Variants in SCN2A observed in about 807,000 individuals in gnomAD.
SCN2A encodes sodium voltage-gated channel alpha subunit 2.
Under a neutral mutation model 188.7 loss-of-function variants are expected in SCN2A, and 20 were observed. That is an observed-to-expected ratio of 0.11 (90% CI 0.07 to 0.15). The LOEUF (loss-of-function observed/expected upper bound fraction) is 0.15. SCN2A is among the 10% of genes least tolerant of loss of function. SCN2A has a pLI of 1.00. For missense variants in SCN2A, 1,278 were observed against 2,445.0 expected (o/e 0.52, Z 10.07); for synonymous variants, 804 against 833.1 (o/e 0.97, Z 0.60).
At chr2:165,368,687 A>G (rs1700860441) in intron 19 of SCN2A, among the ~76,000 whole-genome samples, 1 of 152,230 alleles carries the variant, frequency 6.6e-6, no homozygotes. Flanking sequence ...GGATCAAAAT[A>G]TTAATATAAT....
In SCN2A at chr2:165,389,575, A is replaced by G. The variant is rs761883394; in HGVS notation, c.5769A>G (p.Gln1923=). The part of the protein sequence containing the change: ...QRAYRRYLLK[Q]KVKKVSSIYK... ...CTTACAGACGCTACCTCTTGAAGCA[A>G]AAAGTTAAAAAGGTATCAAGTATAT... is the stretch of plus-strand genomic sequence containing the variant. The change falls in exon 27 of 27, where the codon CAA becomes CAG. Residue 1923 remains glutamine, a synonymous_variant. Transcript: ENST00000375437. This position sits in a 1 kb window ranked among gnomAD's most constrained non-coding sequence, Gnocchi z 4.2. 6.2e-7 allele frequency: 1 copy of G among 1,613,838 alleles called. No individual in the cohort carries two copies. The highest frequency in any genetic ancestry group is 1.3e-5 in the African/African-American group (1 of 74,896).
At chr2:165,243,427 AC>A (rs1693706361) in intron 1 of SCN2A, among the ~76,000 whole-genome samples, 1 of 151,694 alleles carries the variant, frequency 6.6e-6, no homozygotes, top group African/African-American at 2.4e-5. Context: ...ACATGCTGAA[AC>A]CCTGTCTCTA....
At chr2:165,261,292 T>C (rs1486248946) in intron 1 of SCN2A, among the ~76,000 whole-genome samples, 1 of 152,244 alleles carries the variant, frequency 6.6e-6, no homozygotes, top group African/African-American at 2.4e-5. Context: ...AGAACTGGAC[T>C]AGATTATCTC....
intron 1 of SCN2A, among the ~76,000 whole-genome samples, chr2:165,279,796 T>A (rs1488187847): frequency 6.6e-6 from 1 of 152,150 alleles, no homozygotes; most frequent in Non-Finnish European, 1.5e-5. Context: ...TTTGCCTGTG[T>A]CCCACCCAAA....
At position 165,296,867 on chromosome 2, in the gene SCN2A, A is replaced by G. The variant is rs35282810; in HGVS notation, c.268-150A>G. The G allele has an allele frequency of 3.9e-4, 194 of 495,218 alleles. 1 individual carries two copies. Among genetic ancestry groups the G allele is most frequent in the African/African-American group, 3.4e-3 (174 of 51,252 alleles). 30.7% of individuals were successfully genotyped at this position (495,218 alleles called of 1,614,324 possible). A position where few individuals can be genotyped will look rare whatever the true frequency, so the allele number is the denominator to read the frequency against. On this transcript the variant is annotated intron_variant, in intron 2 of 26. Coordinates refer to ENST00000375437, the MANE Select transcript of SCN2A (RefSeq NM_001040142.2). ...AAGTTTATAGTGCTCAGAAAAAAAAAGCATCTATCTTCATGTCATATGATG... is the reference window on the plus strand; with the variant it reads ...AAGTTTATAGTGCTCAGAAAAAAAAGGCATCTATCTTCATGTCATATGATG...
chr2:165,254,722 AG>A (rs771295032), intron 1 of SCN2A, among the ~76,000 whole-genome samples: 6 of 151,842 alleles, frequency 4.0e-5, no homozygotes, highest in Non-Finnish European at 8.8e-5. Context: ...ATTTTAACAT[AG>A]TTAATAATTT....
At chr2:165,386,480 TAA>T (rs753346065) in intron 25 of SCN2A, among the ~76,000 whole-genome samples, 11 of 151,168 alleles carry the variant, frequency 7.3e-5, no homozygotes, top group African/African-American at 1.2e-4. Flanking sequence ...TAAAAAAAAT[TAA>T]AAAAAAGAGA....
chr2:165,309,551 A>G, intron 6 of SCN2A, 108 bp downstream of exon 6: 1 of 1,322,738 alleles, frequency 7.6e-7, no homozygotes, highest in Non-Finnish European at 1.1e-6. Context: ...ATAAATATGT[A>G]AAAAAGCAAG....
intron 1 of SCN2A, chr2:165,271,160 T>C (rs1254254515): frequency 1.3e-5 from 2 of 152,168 alleles, no homozygotes; most frequent in African/African-American, 4.8e-5. Context: ...CTTATGTTGT[T>C]ACTGGACTCG....
Position 165,315,505 on chromosome 2 carries a change from A to G in SCN2A, c.1418A>G (p.Asp473Gly). Residue 473 changes from aspartate (D) to glycine (G), a missense_variant, in exon 11 of 27, where the codon GAC becomes GGC. Physicochemically the swap from Asp to Gly is moderately conservative, Grantham distance 94. This residue lies in a region of SCN2A where 315 missense variants were observed against 386.6 expected (regional missense o/e 0.81). Transcript: ENST00000375437. Reference sequence around the variant, plus strand: ...GCAGCCGCATCTGCTGAATCAAGAGACTTCAGTGGTGCTGGTGGGATAGGA... The same window carrying G: ...GCAGCCGCATCTGCTGAATCAAGAGGCTTCAGTGGTGCTGGTGGGATAGGA... ...AAAAASAESRDFSGAGGIGVF... is the reference protein window; with the variant it reads ...AAAAASAESRGFSGAGGIGVF... 1 of 1,613,910 alleles carries G rather than the reference A, an allele frequency of 6.2e-7. No homozygotes were observed. The highest frequency in any genetic ancestry group is 8.5e-7 in the Non-Finnish European group (1 of 1,179,868).
At chr2:165,268,510 A>G (rs1258701572) in intron 1 of SCN2A, 1 of 152,014 alleles carries the variant, frequency 6.6e-6, no homozygotes, top group Non-Finnish European at 1.5e-5. Flanking sequence ...AATCCTCAAC[A>G]AAATTGGCAT....
At chr2:165,337,274 C>CA (rs1483382310) in intron 14 of SCN2A, among the ~76,000 whole-genome samples, 1 of 151,860 alleles carries the variant, frequency 6.6e-6, no homozygotes, top group Non-Finnish European at 1.5e-5. Flanking sequence ...CCAATTTGAA[C>CA]ACTAGAGAAT....
chr2:165,354,805 T>C (rs1700100327), intron 17 of SCN2A, 134 bp downstream of exon 17: 3 of 853,630 alleles, frequency 3.5e-6, no homozygotes, highest in South Asian at 3.5e-5. Flanking sequence ...ATATTTTCCA[T>C]GGAAAAGTTG....
chr2:165,253,748 T>C (rs929350130), intron 1 of SCN2A, among the ~76,000 whole-genome samples: 4 of 152,082 alleles, frequency 2.6e-5, no homozygotes, highest in African/African-American at 7.2e-5. Flanking sequence ...TTTAAGTTTC[T>C]GAATGAATGA....
At chr2:165,317,782 C>T (rs1697841004) in intron 11 of SCN2A, among the ~76,000 whole-genome samples, 2 of 152,206 alleles carry the variant, frequency 1.3e-5, no homozygotes, top group Middle Eastern at 3.4e-3. Context: ...ATGGCTGGCT[C>T]ATATTGATAC....
chr2:165,248,286 GTC>G (rs769705875), intron 1 of SCN2A, among the ~76,000 whole-genome samples: 51 of 152,096 alleles, frequency 3.4e-4, no homozygotes, highest in Admixed American at 1.4e-3. Flanking sequence ...TTTCCAAAAA[GTC>G]TCTATTTAGC....
intron 1 of SCN2A, among the ~76,000 whole-genome samples, chr2:165,262,569 G>A (rs1473399116): frequency 6.6e-6 from 1 of 151,736 alleles, no homozygotes; most frequent in Admixed American, 6.6e-5. Flanking sequence ...TTAAGACAAA[G>A]CAGTATTCAT....
chr2:165,291,085 A>G (rs1464058526), intron 1 of SCN2A, among the ~76,000 whole-genome samples: 1 of 110,290 alleles, frequency 9.1e-6, no homozygotes, highest in African/African-American at 3.5e-5. Flanking sequence ...TCTGTTGCCC[A>G]GGCTGGAGTG....
rs1276620146 is a variant in SCN2A at position 165,367,223 on chromosome 2, T to C, written c.3527T>C (p.Val1176Ala). ...EPEACFTEDC[V>A]RKFKCCQISI... ...TTTTTCCCACATATTTTAGACTGTGTACGGAAGTTCAAGTGTTGTCAGATA... is the reference window on the plus strand; with the variant it reads ...TTTTTCCCACATATTTTAGACTGTGCACGGAAGTTCAAGTGTTGTCAGATA... Residue 1176 changes from valine to alanine, a missense_variant, in exon 19 of 27, where the codon GTA becomes GCA. This residue lies in a region of SCN2A where 228 missense variants were observed against 297.3 expected (regional missense o/e 0.77). Coordinates refer to ENST00000375437, the MANE Select transcript of SCN2A (RefSeq NM_001040142.2). 2 of 1,613,958 alleles carry C rather than the reference T, an allele frequency of 1.2e-6. No individual in the cohort carries two copies. The highest frequency in any genetic ancestry group is 2.7e-5 in the African/African-American group (2 of 74,910).
Sources: allele counts gnomAD v4.1 joint callset (sites outside exome capture counted in the v4.1 genomes callset), GRCh38; gene constraint gnomAD v4.1.1; regional missense constraint gnomAD v4.1.1; non-coding constraint Gnocchi (gnomAD v3.1); transcripts MANE v1.5; gene names NCBI Gene and HGNC (gene_info 2026-07-23, HGNC 2026-07-21).